OVOL2: variants seen among roughly 807,000 people sequenced by gnomAD.
The protein encoded by OVOL2 is transcription factor Ovo-like 2.
In OVOL2, 13 loss-of-function variants were observed where a neutral mutation model predicts 18.1. That is an observed-to-expected ratio of 0.72 (90% CI 0.47 to 1.14). The LOEUF (loss-of-function observed/expected upper bound fraction) is 1.14, where lower values mean the gene tolerates loss of function less well. Ranked by LOEUF, OVOL2 falls within the 50% of genes most tolerant of loss-of-function variation. OVOL2 has a pLI of 0.00. For missense variants in OVOL2, 335 were observed against 383.0 expected (o/e 0.87, Z 1.05); for synonymous variants, 166 against 162.7 (o/e 1.02, Z -0.16).
intron 2 of OVOL2, among the ~76,000 whole-genome samples, chr20:18,044,661 G>A (rs892040206): frequency 2.6e-5 from 4 of 152,164 alleles, no homozygotes; most frequent in African/African-American, 7.2e-5. Context: ...GGAAGCTGCC[G>A]AGTCTAGTGG....
At chr20:18,045,681 G>C (rs2036719074) in intron 2 of OVOL2, among the ~76,000 whole-genome samples, 1 of 152,100 alleles carries the variant, frequency 6.6e-6, no homozygotes, top group Non-Finnish European at 1.5e-5. Context: ...ATCTCACTAT[G>C]TTGACCAGAC....
At chr20:18,046,386 T>A (rs557993678) in intron 2 of OVOL2, among the ~76,000 whole-genome samples, 55 of 152,264 alleles carry the variant, frequency 3.6e-4, no homozygotes, top group African/African-American at 1.2e-3. Flanking sequence ...GCAGTTCAAG[T>A]GTCACCTGCC....
At chr20:18,052,508 TG>T (rs2036779538) in intron 2 of OVOL2, among the ~76,000 whole-genome samples, 1 of 152,104 alleles carries the variant, frequency 6.6e-6, no homozygotes, top group Admixed American at 6.6e-5. Context: ...GGTGGGAGTG[TG>T]GCTGGGCAGG....
chr20:18,059,161 C>G (rs905240386), upstream of OVOL2: 1 of 152,330 alleles, frequency 6.6e-6, no homozygotes, highest in African/African-American at 2.4e-5. Context: ...CCCTTCCGCC[C>G]TGAATGGCCC....
At chr20:18,055,151 A>C (rs1950776674) in intron 2 of OVOL2, among the ~76,000 whole-genome samples, 1 of 152,102 alleles carries the variant, frequency 6.6e-6, no homozygotes, top group Non-Finnish European at 1.5e-5. Context: ...GTCTTCCTTT[A>C]ATCCAGGATT....
intron 3 of OVOL2, among the ~76,000 whole-genome samples, chr20:18,036,573 C>G (rs940669625): frequency 2.0e-5 from 3 of 152,144 alleles, no homozygotes; most frequent in Admixed American, 2.0e-4. Flanking sequence ...CATTCACTAA[C>G]TTAAATGATT....
At chr20:18,027,101 T>G (rs2036526814) in intron 3 of OVOL2, among the ~76,000 whole-genome samples, 1 of 115,868 alleles carries the variant, frequency 8.6e-6, no homozygotes, top group Non-Finnish European at 1.8e-5. Context: ...GAATCTAAAA[T>G]CAAAGTTGAA....
rs561802354 is a variant in OVOL2, at chr20:18,037,441, C to T, written c.511+4093G>A. On this transcript the variant is annotated intron_variant, in intron 3 of 3. Transcript: ENST00000278780. ...GAGGCCTGGCATGAAGGAGAGTGAC[C>T]GTGTGTGGCTTGCTTCTGCCTGCAG... Among the ~76,000 whole-genome samples, 4 of 152,234 alleles carry T rather than the reference C, an allele frequency of 2.6e-5. No homozygotes were observed. The East Asian group carries it at 5.8e-4, about 22-fold the overall frequency.
chr20:18,050,958 T>C (rs1232277805), intron 2 of OVOL2, among the ~76,000 whole-genome samples: 5 of 152,108 alleles, frequency 3.3e-5, no homozygotes, highest in African/African-American at 1.2e-4. Context: ...TTCAAGTCTG[T>C]CTTGGGAGAC....
In OVOL2 at chr20:18,057,571, GCTCATCC is replaced by G; in HGVS notation, c.57_63del (p.Trp19CysfsTer16). On this transcript the variant is annotated frameshift_variant, in exon 1 of 4. Transcript: ENST00000278780. LOFTEE classifies it high-confidence loss of function. This position sits in a 1 kb window ranked among gnomAD's most constrained non-coding sequence, Gnocchi z 6.3. ...GTGTCTGCCCTTTTCTCATCCGGGA[GCTCATCC>G]CAGCTGCGGACCGAGACCCCCAGGC... 1 of 1,596,002 alleles carries G rather than the reference GCTCATCC, an allele frequency of 6.3e-7. No individual in the cohort carries two copies. Among genetic ancestry groups the G allele is most frequent in the Non-Finnish European group, 8.5e-7 (1 of 1,171,126 alleles).
At chr20:18,042,682 A>G (rs1484131435) in intron 2 of OVOL2, among the ~76,000 whole-genome samples, 1 of 149,884 alleles carries the variant, frequency 6.7e-6, no homozygotes, top group African/African-American at 2.5e-5. Flanking sequence ...AAGCAGAGGC[A>G]GGAGAATCAC....
At chr20:18,048,721 A>G (rs2036746101) in intron 2 of OVOL2, among the ~76,000 whole-genome samples, 1 of 152,166 alleles carries the variant, frequency 6.6e-6, no homozygotes, top group Non-Finnish European at 1.5e-5. Context: ...AATAAAATAA[A>G]ATAAAACAAA....
intron 2 of OVOL2, among the ~76,000 whole-genome samples, chr20:18,054,480 C>T (rs2036798726): frequency 6.6e-6 from 1 of 152,176 alleles, no homozygotes; most frequent in Non-Finnish European, 1.5e-5. Flanking sequence ...CGGTGGCTCA[C>T]GCCTGTAATC....
At chr20:18,030,128 T>C (rs2036554939) in intron 3 of OVOL2, among the ~76,000 whole-genome samples, 1 of 152,224 alleles carries the variant, frequency 6.6e-6, no homozygotes, top group Non-Finnish European at 1.5e-5. Flanking sequence ...GTTTTCCACA[T>C]AGGCAAGGAC....
chr20:18,041,807 C>A, intron 2 of OVOL2, 84 bp from the exon 3 acceptor site: 1 of 1,316,246 alleles, frequency 7.6e-7, no homozygotes. Flanking sequence ...CTCCCTGTGT[C>A]TTGAGGCTGC....
chr20:18,058,407 C>A (rs181052048), upstream of OVOL2, among the ~76,000 whole-genome samples: 1 of 147,272 alleles, frequency 6.8e-6, no homozygotes, highest in Admixed American at 6.7e-5. Context: ...CTACAACACC[C>A]CCCCCCCATA....
chr20:18,036,170 G>GT (rs1360607830), intron 3 of OVOL2, among the ~76,000 whole-genome samples: 1 of 151,982 alleles, frequency 6.6e-6, no homozygotes, highest in Non-Finnish European at 1.5e-5. Context: ...GTGCATCCCT[G>GT]TAATCCCAGC....
chr20:18,036,323 T>C (rs927543016), intron 3 of OVOL2, among the ~76,000 whole-genome samples: 5 of 151,940 alleles, frequency 3.3e-5, no homozygotes, highest in Admixed American at 2.6e-4. Context: ...AAATTGAGAT[T>C]TTTACACCTT....
At chr20:18,054,885 G>A (rs893050709) in intron 2 of OVOL2, among the ~76,000 whole-genome samples, 12 of 152,106 alleles carry the variant, frequency 7.9e-5, no homozygotes, top group Non-Finnish European at 1.2e-4. Flanking sequence ...CTAAGTCACA[G>A]GCAATTTGGT....
Sources: allele counts gnomAD v4.1 joint callset (sites outside exome capture counted in the v4.1 genomes callset), GRCh38; gene constraint gnomAD v4.1.1; non-coding constraint Gnocchi (gnomAD v3.1); transcripts MANE v1.5; gene names NCBI Gene and HGNC (gene_info 2026-07-23, HGNC 2026-07-21).